The following EYS variants were observed in gnomAD, a reference collection of about 807,000 sequenced individuals.
The protein encoded by EYS is protein eyes shut homolog.
Under a neutral mutation model 282.1 loss-of-function variants are expected in EYS, and 250 were observed. That is an observed-to-expected ratio of 0.89 (90% CI 0.80 to 0.98). The LOEUF is 0.98. Among genes scored for constraint, EYS ranks in the 50% least tolerant of loss-of-function variants. The pLI, the probability that EYS is intolerant of heterozygous loss-of-function variation, is 0.00. For synonymous variants in EYS, 1,355 were observed against 1,282.9 expected (o/e 1.06, Z -1.20); for missense variants, 4,016 against 3,709.0 (o/e 1.08, Z -2.15).
intron 35 of EYS, among the ~76,000 whole-genome samples, chr6:63,948,208 AG>A (rs1402807654): frequency 6.6e-6 from 1 of 152,216 alleles, no homozygotes; most frequent in East Asian, 1.9e-4. Context: ...TTGGCTGCAC[AG>A]AACACTTGCG....
intron 5 of EYS, among the ~76,000 whole-genome samples, chr6:65,427,858 T>C (rs1767722538): frequency 6.6e-6 from 1 of 151,990 alleles, no homozygotes; most frequent in South Asian, 2.1e-4. Flanking sequence ...AAGCAGGAGA[T>C]TCAAAATTAT....
intron 31 of EYS, among the ~76,000 whole-genome samples, chr6:64,097,743 A>G (rs1772680135): frequency 6.6e-6 from 1 of 152,112 alleles, no homozygotes; most frequent in Non-Finnish European, 1.5e-5. Flanking sequence ...GACGCTCGGT[A>G]CACTGACATT....
At chr6:64,035,495 G>T (rs1267709650) in intron 33 of EYS, among the ~76,000 whole-genome samples, 2 of 152,188 alleles carry the variant, frequency 1.3e-5, no homozygotes, top group Non-Finnish European at 2.9e-5. Context: ...TCAGAGCCAG[G>T]TCTTGCAAAT....
intron 30 of EYS, among the ~76,000 whole-genome samples, chr6:64,293,244 T>A (rs1336332007): frequency 6.6e-6 from 1 of 152,128 alleles, no homozygotes; most frequent in African/African-American, 2.4e-5. Flanking sequence ...TACAAACATT[T>A]AAAATGAATG....
intron 33 of EYS, among the ~76,000 whole-genome samples, chr6:64,021,502 A>C (rs1337264823): frequency 6.6e-6 from 1 of 152,084 alleles, no homozygotes; most frequent in Non-Finnish European, 1.5e-5. Context: ...AATTGTCAAC[A>C]ATGCACATCT....
intron 31 of EYS, among the ~76,000 whole-genome samples, chr6:64,199,062 A>G (rs1484476725): frequency 1.3e-5 from 2 of 152,060 alleles, no homozygotes; most frequent in East Asian, 3.8e-4. Flanking sequence ...TTTGATTTGC[A>G]TTTCTCTAAT....
chr6:64,738,032 G>A (rs1295812025), intron 22 of EYS, among the ~76,000 whole-genome samples: 1 of 146,310 alleles, frequency 6.8e-6, no homozygotes, highest in Non-Finnish European at 1.5e-5. Flanking sequence ...AAGGTATAGA[G>A]GTTGGTAGCA....
chr6:64,550,478 T>C (rs1202807904), intron 26 of EYS, among the ~76,000 whole-genome samples: 2 of 152,174 alleles, frequency 1.3e-5, no homozygotes, highest in Admixed American at 6.5e-5. Flanking sequence ...TGCATTTAGC[T>C]ATCGATGACA....
At chr6:64,970,650 A>G (rs149713341) in intron 14 of EYS, among the ~76,000 whole-genome samples, 1 of 152,202 alleles carries the variant, frequency 6.6e-6, no homozygotes, top group African/African-American at 2.4e-5. Flanking sequence ...TGATTTTTCA[A>G]AGTTCTTATA....
chr6:64,788,678 C>T (rs1482955244), intron 22 of EYS, among the ~76,000 whole-genome samples: 2 of 152,240 alleles, frequency 1.3e-5, no homozygotes, highest in African/African-American at 2.4e-5. Flanking sequence ...TCCAATTCTC[C>T]ATCTTTTAAA....
intron 30 of EYS, among the ~76,000 whole-genome samples, chr6:64,244,813 A>T (rs1319493777): frequency 1.3e-5 from 2 of 152,124 alleles, no homozygotes; most frequent in South Asian, 2.1e-4. Flanking sequence ...CTATTTGCTA[A>T]TATTTTATTT....
At chr6:64,659,868 C>T (rs954151086) in intron 22 of EYS, among the ~76,000 whole-genome samples, 8 of 152,194 alleles carry the variant, frequency 5.3e-5, no homozygotes, top group African/African-American at 1.9e-4. Flanking sequence ...AAGAGGGACT[C>T]CTCCCTAACT....
At chr6:63,746,065 G>A (rs1162208438) in intron 41 of EYS, among the ~76,000 whole-genome samples, 1 of 152,106 alleles carries the variant, frequency 6.6e-6, no homozygotes, top group East Asian at 1.9e-4. Flanking sequence ...TATTGCTTGA[G>A]CCACCCAGTC....
chr6:64,044,180 A>G (rs1770518710), intron 33 of EYS, among the ~76,000 whole-genome samples: 1 of 152,186 alleles, frequency 6.6e-6, no homozygotes, highest in Non-Finnish European at 1.5e-5. Flanking sequence ...TTTTTAAAAC[A>G]GTTTATTGGA....
intron 2 of EYS, among the ~76,000 whole-genome samples, chr6:65,595,467 A>G (rs2094558986): frequency 6.7e-6 from 1 of 148,222 alleles, no homozygotes; most frequent in South Asian, 2.2e-4. Flanking sequence ...TTAAAGTATA[A>G]TTAAAAAAAA....
chr6:64,785,380 T>G (rs1336592083), intron 22 of EYS, among the ~76,000 whole-genome samples: 1 of 152,162 alleles, frequency 6.6e-6, no homozygotes, highest in Non-Finnish European at 1.5e-5. Context: ...AGCCAAATCT[T>G]GCTGGCCTAA....
intron 12 of EYS, among the ~76,000 whole-genome samples, chr6:65,226,327 G>T (rs1269661960): frequency 1.3e-5 from 2 of 151,292 alleles, no homozygotes; most frequent in African/African-American, 4.9e-5. Context: ...TAACCAAGAA[G>T]GTGTAAGGCT....
intron 35 of EYS, among the ~76,000 whole-genome samples, chr6:63,908,043 T>TATATATAC (rs1318760852): frequency 2.2e-4 from 9 of 41,540 alleles, no homozygotes; most frequent in Middle Eastern, 0.01. Flanking sequence ...CGTTTGTGTG[T>TATATATAC]GTGTGTGTGT....
intron 5 of EYS, among the ~76,000 whole-genome samples, chr6:65,459,216 T>C (rs1235895611): frequency 6.6e-6 from 1 of 152,014 alleles, no homozygotes; most frequent in Non-Finnish European, 1.5e-5. Flanking sequence ...TAACAGTATA[T>C]GAAAGAATGA....
Sources: allele counts gnomAD v4.1 joint callset (sites outside exome capture counted in the v4.1 genomes callset), GRCh38; gene constraint gnomAD v4.1.1; transcripts MANE v1.5; gene names NCBI Gene and HGNC (gene_info 2026-07-23, HGNC 2026-07-21).